The following GPC1 variants were observed in gnomAD, a reference collection of about 807,000 sequenced individuals.
GPC1 encodes the protein glypican 1.
In GPC1, 26 loss-of-function variants were observed where a neutral mutation model predicts 51.5. The ratio of observed to expected loss-of-function variants is 0.50; its 90% CI spans 0.37 to 0.70. GPC1 has a LOEUF of 0.70. Ranked by LOEUF, GPC1 falls within the 30% of genes least tolerant of loss-of-function variation. The pLI, the probability that GPC1 is intolerant of heterozygous loss-of-function variation, is 0.00. For synonymous variants in GPC1, 380 were observed against 348.3 expected, an observed-to-expected ratio of 1.09 and a Z score of -1.01; for missense variants, 775 against 800.5, an observed-to-expected ratio of 0.97 and a Z score of 0.38.
rs1450080131 is a variant in GPC1, at chr2:240,448,045, C to A, written c.167-10985C>A. The stretch of plus-strand genomic sequence containing the variant: ...CATTCTGGGTGGAACACAGTGTCCC[C>A]AGGGCACAGTGACAGTGGAACGGCC... On this transcript the variant is annotated intron_variant, in intron 1 of 8. Coordinates refer to ENST00000264039, the MANE Select transcript of GPC1 (RefSeq NM_002081.3). This position sits in a 1 kb window ranked among gnomAD's most constrained non-coding sequence, Gnocchi z 4.5. Among the ~76,000 whole-genome samples the A allele has an allele frequency of 1.1e-4, 16 of 152,300 alleles. No homozygotes were observed. The highest frequency in any genetic ancestry group is 2.1e-4 in the Non-Finnish European group (14 of 68,008).
chr2:240,452,578 C>T (rs966271087), intron 1 of GPC1: 1 of 152,082 alleles, frequency 6.6e-6, no homozygotes, highest in Non-Finnish European at 1.5e-5. Context: ...AGTGGGGAGC[C>T]TAGGAGGCCC....
chr2:240,466,067 G>A lies in GPC1; in HGVS notation c.1454G>A (p.Gly485Asp), dbSNP rs750462373. The change falls in exon 9 of 9, where the codon GGC becomes GAC. Residue 485 changes from glycine to aspartate, a missense_variant. Transcript: ENST00000264039. ...DVDFQDASDDGSGSGSGDGCL... is the reference protein window; with the variant it reads ...DVDFQDASDDDSGSGSGDGCL... ...CTCCTCTCCTTCCCAGGTGACGACG[G>A]CAGCGGCTCGGGCAGCGGTGATGGC... The A allele has an allele frequency of 6.8e-6, 11 of 1,609,196 alleles. No homozygotes were observed. The Admixed American group carries it at 8.3e-5, about 12-fold the overall frequency.
At chr2:240,456,261 C>G (rs996186987) in intron 1 of GPC1, among the ~76,000 whole-genome samples, 1 of 152,058 alleles carries the variant, frequency 6.6e-6, no homozygotes, top group Non-Finnish European at 1.5e-5. Context: ...CCATATCTTA[C>G]GGGTGTTTCG....
chr2:240,446,008 C>T (rs1040121933), intron 1 of GPC1, among the ~76,000 whole-genome samples: 5 of 152,244 alleles, frequency 3.3e-5, no homozygotes, highest in African/African-American at 1.2e-4. Flanking sequence ...TTGTATGCTT[C>T]AGAAACAAGC....
intron 1 of GPC1, among the ~76,000 whole-genome samples, chr2:240,437,789 CCTT>C (rs2073993488): frequency 6.6e-6 from 1 of 152,234 alleles, no homozygotes. Flanking sequence ...AGCCCCCAGC[CCTT>C]CTTAGCACCT....
Position 240,464,920 on chromosome 2 carries a change from G to A in GPC1, c.1079G>A (p.Arg360His), listed in dbSNP as rs747885982. 6.2e-5 allele frequency: 96 copies of A among 1,551,200 alleles called. No homozygotes were observed. The highest frequency in any genetic ancestry group is 6.8e-5 in the Non-Finnish European group (78 of 1,147,664). Residue 360 changes from arginine (R) to histidine (H), a missense_variant, in exon 6 of 9, where the codon CGC becomes CAC. Physicochemically the swap from Arg to His is conservative, Grantham distance 29. Coordinates refer to ENST00000264039, the MANE Select transcript of GPC1 (RefSeq NM_002081.3). ...GGCCCCGGGCCTGAGGAGAAGCGGC[G>A]CCGGGGCAAGCTGGCCCCGCGGGAG... ...PQGPGPEEKRRRGKLAPRERP... is the reference protein window; with the variant it reads ...PQGPGPEEKRHRGKLAPRERP...
At chr2:240,455,317 A>G (rs964314822) in intron 1 of GPC1, among the ~76,000 whole-genome samples, 2 of 152,136 alleles carry the variant, frequency 1.3e-5, no homozygotes, top group Non-Finnish European at 2.9e-5. Flanking sequence ...CTGTGGAAGG[A>G]TGGGTCGGCT....
intron 1 of GPC1, chr2:240,450,802 G>A (rs1340966770): frequency 2.1e-6 from 1 of 469,434 alleles, no homozygotes; most frequent in East Asian, 7.0e-5. Context: ...CAGGGTACCA[G>A]GGCCGGCCTG....
rs2074067079 is a variant in GPC1 at position 240,448,385 on chromosome 2, C to G, written c.167-10645C>G. Among the ~76,000 whole-genome samples the G allele has an allele frequency of 1.3e-5, 2 of 151,434 alleles. No individual in the cohort carries two copies. The highest frequency in any genetic ancestry group is 4.9e-5 in the African/African-American group (2 of 41,162). ...CCAGGCAGTCCGGGTGTAGATAGTCCCTGCCAGGCAGTCCAGGTGTAGACA... is the reference window on the plus strand; with the variant it reads ...CCAGGCAGTCCGGGTGTAGATAGTCGCTGCCAGGCAGTCCAGGTGTAGACA... On this transcript the variant is annotated intron_variant, in intron 1 of 8. Transcript: ENST00000264039. This position sits in a 1 kb window ranked among gnomAD's most constrained non-coding sequence, Gnocchi z 4.5.
intron 1 of GPC1, among the ~76,000 whole-genome samples, chr2:240,446,291 A>G (rs2074050225): frequency 6.6e-6 from 1 of 152,248 alleles, no homozygotes; most frequent in African/African-American, 2.4e-5. Context: ...CCTCTGCATC[A>G]TTGGAGGCTC....
chr2:240,449,732 G>T (rs930415799), intron 1 of GPC1: 4 of 426,998 alleles, frequency 9.4e-6, no homozygotes, highest in Non-Finnish European at 1.4e-5. Context: ...CACCGCCCCT[G>T]GTGCCCGCCA....
intron 4 of GPC1, chr2:240,463,975 C>T (rs1396521424): frequency 1.9e-5 from 4 of 215,714 alleles, no homozygotes; most frequent in East Asian, 2.4e-4. Flanking sequence ...TGGGCTGACC[C>T]GCATCAATGC....
In GPC1 at chr2:240,448,041, TC is replaced by T. The variant is rs1406574868; in HGVS notation, c.167-10985del. On this transcript the variant is annotated intron_variant, in intron 1 of 8. Transcript: ENST00000264039. The surrounding 1 kb of genome is among the most constrained non-coding windows in gnomAD (Gnocchi z 4.5). Reference sequence around the variant, plus strand: ...AGGCCATTCTGGGTGGAACACAGTGTCCCCAGGGCACAGTGACAGTGGAACG... The same window carrying T: ...AGGCCATTCTGGGTGGAACACAGTGTCCCAGGGCACAGTGACAGTGGAACG... Among the ~76,000 whole-genome samples the T allele has an allele frequency of 2.0e-5, 3 of 152,078 alleles. No individual in the cohort carries two copies. The East Asian group carries it at 5.8e-4, about 29-fold the overall frequency.
At chr2:240,447,886 G>T (rs142904232) in intron 1 of GPC1, among the ~76,000 whole-genome samples, 1,706 of 152,304 alleles carry the variant, frequency 0.011, 28 homozygotes, top group African/African-American at 0.038. Context: ...CTGGACAGGA[G>T]GCCCCGTCAT....
chr2:240,462,905 C>A (rs1256829411), intron 3 of GPC1, among the ~76,000 whole-genome samples: 1 of 152,078 alleles, frequency 6.6e-6, no homozygotes, highest in African/African-American at 2.4e-5. Context: ...GCAGAGGAGA[C>A]AGAAGAGAAC....
rs1366698750 is a variant in GPC1, at chr2:240,455,959, G to GGCCTTCGCCC, written c.167-3065_167-3056dup. On this transcript the variant is annotated intron_variant, in intron 1 of 8. Coordinates refer to ENST00000264039, the MANE Select transcript of GPC1 (RefSeq NM_002081.3). The stretch of plus-strand genomic sequence containing the variant: ...CGATCCAGCCTGCCCGAGGCTCCCA[G>GGCCTTCGCCC]GCCTTCGCCCGCCTTGCGTCCAGCC... 9.7e-6 allele frequency: 4 copies of GGCCTTCGCCC among 413,270 alleles called. No individual in the cohort carries two copies. The Admixed American group carries it at 1.1e-4, about 11-fold the overall frequency. The allele number at this position is 413,270 out of a possible 1,614,324, so 25.6% of individuals were successfully genotyped here.
chr2:240,465,304 C>G (rs979140228), intron 7 of GPC1, 94 bp downstream of exon 7: 46 of 1,427,316 alleles, frequency 3.2e-5, no homozygotes, highest in Non-Finnish European at 3.9e-5. Context: ...GGCCACGTCC[C>G]TTGCTGGAGG....
intron 1 of GPC1, chr2:240,450,470 C>G (rs1559196720): frequency 2.6e-6 from 1 of 392,134 alleles, no homozygotes; most frequent in Non-Finnish European, 5.1e-6. Context: ...CACTTTAGCT[C>G]TCTATGTGTC....
At chr2:240,437,338 C>T (rs767040362) in intron 1 of GPC1, among the ~76,000 whole-genome samples, 1 of 152,130 alleles carries the variant, frequency 6.6e-6, no homozygotes, top group African/African-American at 2.4e-5. Flanking sequence ...GCCCCTTGCC[C>T]TTGGTGGATC....
Sources: gnomAD v4.1 joint callset for allele counts (sites outside exome capture counted in the v4.1 genomes callset) on GRCh38, gnomAD v4.1.1 for gene constraint, Gnocchi (gnomAD v3.1) non-coding constraint, MANE v1.5 for transcripts, NCBI Gene and HGNC (gene_info 2026-07-23, HGNC 2026-07-21) for gene names.